Variants in ATP11B observed in about 807,000 individuals in gnomAD.
The protein encoded by ATP11B is phospholipid-transporting ATPase IF.
A neutral mutation model predicts 157.8 loss-of-function variants in ATP11B; 81 were observed. The ratio of observed to expected loss-of-function variants is 0.51; its 90% CI spans 0.43 to 0.62. The LOEUF (loss-of-function observed/expected upper bound fraction) is 0.62. ATP11B is among the 20% of genes least tolerant of loss of function. ATP11B has a pLI of 0.00. For synonymous variants in ATP11B, 451 were observed against 469.4 expected, an observed-to-expected ratio of 0.96 and a Z score of 0.51; for missense variants, 1,165 against 1,402.2, an observed-to-expected ratio of 0.83 and a Z score of 2.70.
At chr3:182,915,179 T>C (rs1295992361) in intron 29 of ATP11B, 1 of 985,316 alleles carries the variant, frequency 1.0e-6, no homozygotes, top group African/African-American at 1.7e-5. Flanking sequence ...ACTTGTTAGT[T>C]CTCACTTTAG....
At chr3:182,869,383 A>G in intron 17 of ATP11B, 52 bp downstream of exon 17, 1 of 1,203,138 alleles carries the variant, frequency 8.3e-7, no homozygotes, top group South Asian at 1.5e-5. Context: ...TATTTATGAA[A>G]TATTTTGGAC....
chr3:182,841,977 C>CAAA (rs11401208), intron 7 of ATP11B, 98 bp from the exon 8 acceptor site: 10,439 of 356,060 alleles, frequency 0.029, 16 homozygotes, highest in South Asian at 0.039. Context: ...AGACTCGTCT[C>CAAA]AAAAAAAAAA....
At chr3:182,828,087 T>A in intron 2 of ATP11B, 33 bp from the exon 3 acceptor site, 1 of 1,048,348 alleles carries the variant, frequency 9.5e-7, no homozygotes. Flanking sequence ...ATATTATTTT[T>A]AAATATTAAT....
chr3:182,870,927 G>GAAAA (rs756934976), intron 17 of ATP11B, among the ~76,000 whole-genome samples: 1 of 102,614 alleles, frequency 9.7e-6, no homozygotes, highest in Non-Finnish European at 1.9e-5. Context: ...GTCTCCGTCT[G>GAAAA]AAAAAAAAAA....
intron 25 of ATP11B, among the ~76,000 whole-genome samples, chr3:182,894,195 A>G (rs918308184): frequency 1.3e-5 from 2 of 152,052 alleles, no homozygotes; most frequent in Non-Finnish European, 2.9e-5. Flanking sequence ...AGTCCCATCT[A>G]TTGATCTTTG....
In ATP11B at chr3:182,793,564, G is replaced by A. The variant is rs959362236; in HGVS notation, c.-196G>A. ...AGCTGCGCCGGGCGGGGGCGGCGCC[G>A]GGGCCGCGCCTGTAGGACTCGGGGC... On this transcript the variant is annotated 5_prime_UTR_variant, in exon 1 of 30. Coordinates refer to ENST00000323116, the MANE Select transcript of ATP11B (RefSeq NM_014616.3). 2 of 365,892 alleles carry A rather than the reference G, an allele frequency of 5.5e-6. No individual in the cohort carries two copies. The highest frequency in any genetic ancestry group is 9.7e-6 in the Non-Finnish European group (2 of 206,090). The allele number at this position is 365,892 out of a possible 1,614,324, so 22.7% of individuals were successfully genotyped here. A position where few individuals can be genotyped will look rare whatever the true frequency, so the allele number is the denominator to read the frequency against.
chr3:182,828,509 A>G (rs924851003), intron 3 of ATP11B, among the ~76,000 whole-genome samples: 13 of 152,072 alleles, frequency 8.5e-5, no homozygotes, highest in South Asian at 4.1e-4. Flanking sequence ...CTGCCTCAGA[A>G]CATAAATGTT....
At chr3:182,897,508 G>A (rs1182802158) in intron 27 of ATP11B, 102 bp downstream of exon 27, 1 of 817,778 alleles carries the variant, frequency 1.2e-6, no homozygotes, top group Admixed American at 3.1e-5. Context: ...ACAGATTTCA[G>A]ACTCCTGGTA....
chr3:182,835,083 TGAG>T (rs1161414633), intron 4 of ATP11B, among the ~76,000 whole-genome samples: 1 of 152,188 alleles, frequency 6.6e-6, no homozygotes, highest in South Asian at 2.1e-4. Context: ...TTGAGCAGAC[TGAG>T]GAGGAAGAGG....
chr3:182,897,988 G>T (rs1253789722), intron 27 of ATP11B, among the ~76,000 whole-genome samples: 1 of 151,886 alleles, frequency 6.6e-6, no homozygotes, highest in Non-Finnish European at 1.5e-5. Flanking sequence ...ACATTTGCCT[G>T]CTATGTCTTT....
chr3:182,917,023 C>G (rs993468984), intron 29 of ATP11B: 3 of 985,188 alleles, frequency 3.0e-6, no homozygotes, highest in Non-Finnish European at 3.6e-6. Flanking sequence ...ACAAGTCCTT[C>G]CCTAACCTAA....
chr3:182,871,988 T>C (rs1406091180), intron 17 of ATP11B, among the ~76,000 whole-genome samples: 1 of 152,124 alleles, frequency 6.6e-6, no homozygotes, highest in Non-Finnish European at 1.5e-5. Context: ...CCCAATTTTT[T>C]GTATTTTTAG....
intron 7 of ATP11B, among the ~76,000 whole-genome samples, chr3:182,841,403 G>A (rs1488970446): frequency 1.3e-5 from 2 of 152,102 alleles, no homozygotes; most frequent in African/African-American, 2.4e-5. Context: ...CATCTTGCAG[G>A]CCTTACTGTG....
intron 15 of ATP11B, 71 bp downstream of exon 15, chr3:182,867,515 C>G (rs1337147602): frequency 1.0e-6 from 1 of 983,778 alleles, no homozygotes; most frequent in Non-Finnish European, 1.6e-6. Context: ...GATCAGTAAA[C>G]TGTAGCTCAC....
At chr3:182,915,275 G>A (rs1378520837) in intron 29 of ATP11B, 14 of 985,044 alleles carry the variant, frequency 1.4e-5, no homozygotes, top group Middle Eastern at 5.2e-4. Context: ...TTCAATCCCC[G>A]TTTATTCTGA....
chr3:182,835,997 T>C lies in ATP11B; in HGVS notation c.316-38T>C, dbSNP rs771129855. ...ATTTGATAAAAGTATCTTCAAATTA[T>C]ACTGAAAAATTATTTTTTACCCTTT... is the stretch of plus-strand genomic sequence containing the variant. On this transcript the variant is annotated intron_variant, in intron 4 of 29. Coordinates refer to ENST00000323116, the MANE Select transcript of ATP11B (RefSeq NM_014616.3). 2.6e-6 allele frequency: 4 copies of C among 1,518,638 alleles called. No individual in the cohort carries two copies. The South Asian group carries it at 3.6e-5, about 14-fold the overall frequency. 94.1% of individuals were successfully genotyped at this position (1,518,638 alleles called of 1,614,324 possible). A position where few individuals can be genotyped will look rare whatever the true frequency, so the allele number is the denominator to read the frequency against.
At chr3:182,846,944 T>C (rs989842064) in intron 9 of ATP11B, among the ~76,000 whole-genome samples, 7 of 152,280 alleles carry the variant, frequency 4.6e-5, no homozygotes, top group East Asian at 3.9e-4. Flanking sequence ...TAAATACATA[T>C]GTTTTTCCAC....
chr3:182,843,393 T>G (rs1399728619), intron 8 of ATP11B: 1 of 152,222 alleles, frequency 6.6e-6, no homozygotes, highest in Non-Finnish European at 1.5e-5. Context: ...CCTTATACAT[T>G]TAAACCGACG....
In ATP11B at chr3:182,918,126, G is replaced by A. The variant is rs1725257154; in HGVS notation, c.*22G>A. 2.5e-6 allele frequency: 4 copies of A among 1,611,134 alleles called. No homozygotes were observed. Among genetic ancestry groups the A allele is most frequent in the Non-Finnish European group, 3.4e-6 (4 of 1,178,570 alleles). On this transcript the variant is annotated 3_prime_UTR_variant, in exon 30 of 30. Transcript: ENST00000323116. ...TTAAAGGGGCAGTAGTACTTTGTGG[G>A]AGCCAGTTCACCTCCTTTCCTAAAA... is the stretch of plus-strand genomic sequence containing the variant.
Sources: gnomAD v4.1 joint callset for allele counts (sites outside exome capture counted in the v4.1 genomes callset) on GRCh38, gnomAD v4.1.1 for gene constraint, MANE v1.5 for transcripts, NCBI Gene and HGNC (gene_info 2026-07-23, HGNC 2026-07-21) for gene names.